The following SYT14 variants were observed in gnomAD, a reference collection of about 807,000 sequenced individuals.
The protein encoded by SYT14 is synaptotagmin-14.
Under a neutral mutation model 74.2 loss-of-function variants are expected in SYT14, and 32 were observed. That is an observed-to-expected ratio of 0.43 (90% CI 0.33 to 0.58). The LOEUF is 0.58. SYT14 is among the 20% of genes least tolerant of loss of function. The probability of loss-of-function intolerance (pLI) is 0.05; values close to 1 mark genes in which losing one functional copy is unlikely to be tolerated. For missense variants in SYT14, 791 were observed against 981.8 expected, an observed-to-expected ratio of 0.81 and a Z score of 2.60; for synonymous variants, 298 against 337.7, an observed-to-expected ratio of 0.88 and a Z score of 1.29.
intron 2 of SYT14, among the ~76,000 whole-genome samples, chr1:209,983,150 T>TC (rs1354636786): frequency 6.6e-6 from 1 of 152,198 alleles, no homozygotes; most frequent in Non-Finnish European, 1.5e-5. Flanking sequence ...TAGCTTGTCT[T>TC]CTCATTTTCT....
chr1:210,112,451 G>A (rs1263887955), intron 7 of SYT14, among the ~76,000 whole-genome samples: 1 of 151,426 alleles, frequency 6.6e-6, no homozygotes, highest in Non-Finnish European at 1.5e-5. Context: ...AATAGAATGG[G>A]CCTATGAGGC....
intron 5 of SYT14, among the ~76,000 whole-genome samples, chr1:210,039,535 G>C (rs11119398): frequency 0.05 from 7,620 of 152,108 alleles, 1,053 homozygotes; most frequent in East Asian, 0.42. Flanking sequence ...TTGACAAAAG[G>C]GATCTAATTA....
chr1:210,000,132 G>A (rs1036057613), intron 2 of SYT14, among the ~76,000 whole-genome samples: 3 of 152,174 alleles, frequency 2.0e-5, no homozygotes, highest in Admixed American at 6.5e-5. Flanking sequence ...GGTGTATAAA[G>A]TATTTGCTTT....
exon 10 of SYT14, chr1:210,162,931 G>T: frequency 2.2e-6 from 1 of 452,236 alleles, no homozygotes; most frequent in Non-Finnish European, 4.4e-6. Flanking sequence ...CTTTTTCCAG[G>T]ATTTTTCAAA....
chr1:210,019,326 A>C (rs1350810826), intron 4 of SYT14, among the ~76,000 whole-genome samples: 1 of 152,054 alleles, frequency 6.6e-6, no homozygotes, highest in Non-Finnish European at 1.5e-5. Flanking sequence ...CTGCACTGGG[A>C]GTCAGAGGTC....
At chr1:210,132,322 C>T (rs1208363763) in intron 7 of SYT14, among the ~76,000 whole-genome samples, 1 of 151,814 alleles carries the variant, frequency 6.6e-6, no homozygotes, top group Non-Finnish European at 1.5e-5. Flanking sequence ...ACATCCTGTT[C>T]ACCCTGCTGG....
At chr1:210,046,453 T>C (rs922645998) in intron 5 of SYT14, among the ~76,000 whole-genome samples, 5 of 152,140 alleles carry the variant, frequency 3.3e-5, no homozygotes, top group Admixed American at 6.5e-5. Context: ...CTGAATGGTA[T>C]AGCTATTACC....
intron 5 of SYT14, among the ~76,000 whole-genome samples, chr1:210,068,545 G>A (rs2081337205): frequency 6.6e-6 from 1 of 151,530 alleles, no homozygotes; most frequent in African/African-American, 2.4e-5. Flanking sequence ...TTTTTTTATA[G>A]ATAGATTTTT....
chr1:210,064,877 A>G (rs1461788480), intron 5 of SYT14, among the ~76,000 whole-genome samples: 3 of 152,012 alleles, frequency 2.0e-5, no homozygotes, highest in Admixed American at 2.0e-4. Flanking sequence ...TTTACACTCC[A>G]CCAGCAATGC....
intron 2 of SYT14, among the ~76,000 whole-genome samples, chr1:210,007,162 A>G (rs1424680176): frequency 6.6e-6 from 1 of 151,914 alleles, no homozygotes; most frequent in Non-Finnish European, 1.5e-5. Context: ...TTGTAAATAC[A>G]TATATTTATT....
chr1:209,988,773 C>T (rs2079615525), intron 2 of SYT14, among the ~76,000 whole-genome samples: 1 of 152,144 alleles, frequency 6.6e-6, no homozygotes, highest in Non-Finnish European at 1.5e-5. Flanking sequence ...TTTGGCATGT[C>T]TTCCCTCTAA....
chr1:210,159,439 T>C, exon 9 of SYT14: 1 of 1,551,472 alleles, frequency 6.4e-7, no homozygotes, highest in Non-Finnish European at 8.7e-7. Flanking sequence ...TTCTGTTGTC[T>C]AAAACACTTG....
chr1:210,060,556 G>A (rs1393901860), intron 5 of SYT14, among the ~76,000 whole-genome samples: 2 of 152,014 alleles, frequency 1.3e-5, no homozygotes, highest in African/African-American at 4.8e-5. Flanking sequence ...GTTTGTAAAG[G>A]AAGAAAACTC....
intron 5 of SYT14, among the ~76,000 whole-genome samples, chr1:210,063,463 C>G (rs1035612502): frequency 6.6e-5 from 10 of 151,724 alleles, no homozygotes; most frequent in African/African-American, 2.2e-4. Context: ...TATTCCTTGT[C>G]AAATCTTTTA....
At chr1:210,063,646 T>A (rs530074208) in intron 5 of SYT14, among the ~76,000 whole-genome samples, 1 of 151,852 alleles carries the variant, frequency 6.6e-6, no homozygotes, top group Non-Finnish European at 1.5e-5. Flanking sequence ...CAAAATATTC[T>A]TATGTTTTTA....
intron 5 of SYT14, among the ~76,000 whole-genome samples, chr1:210,025,999 A>G (rs1198531615): frequency 6.6e-6 from 1 of 152,184 alleles, no homozygotes; most frequent in Non-Finnish European, 1.5e-5. Context: ...ATATGTTATA[A>G]ATCTGAAATA....
intron 5 of SYT14, among the ~76,000 whole-genome samples, chr1:210,083,833 G>C (rs2081665235): frequency 6.6e-6 from 1 of 151,874 alleles, no homozygotes; most frequent in Non-Finnish European, 1.5e-5. Context: ...GCCTCCCAAA[G>C]TTCTGGAATT....
At chr1:209,947,744 C>T (rs527942181) in intron 1 of SYT14, among the ~76,000 whole-genome samples, 46 of 152,308 alleles carry the variant, frequency 3.0e-4, no homozygotes, top group Non-Finnish European at 5.6e-4. Context: ...TAAAGTTCTA[C>T]TGTGGGTAAA....
At chr1:210,156,885 G>A (rs985168671) in intron 8 of SYT14, 15 of 406,306 alleles carry the variant, frequency 3.7e-5, no homozygotes, top group Admixed American at 3.4e-4. Context: ...GTAGAGGTGG[G>A]TTTTCACCAT....
Sources: allele counts gnomAD v4.1 joint callset (sites outside exome capture counted in the v4.1 genomes callset), GRCh38; gene constraint gnomAD v4.1.1; transcripts MANE v1.5; gene names NCBI Gene and HGNC (gene_info 2026-07-23, HGNC 2026-07-21).